The following ADAM11 variants were observed in gnomAD, a reference collection of about 807,000 sequenced individuals.
ADAM11 encodes the protein disintegrin and metalloproteinase domain-containing protein 11.
ADAM11 carries 49 observed loss-of-function variants against 119.1 expected under a neutral mutation model. The ratio of observed to expected loss-of-function variants is 0.41; its 90% CI spans 0.33 to 0.52. The LOEUF is 0.52. ADAM11 is among the 20% of genes least tolerant of loss of function. ADAM11 has a pLI of 0.20. For synonymous variants in ADAM11, 364 were observed against 408.0 expected (o/e 0.89, Z 1.30); for missense variants, 777 against 1,047.5 (o/e 0.74, Z 3.56).
intron 1 of ADAM11, 133 bp downstream of exon 1, chr17:44,759,393 A>G: frequency 7.9e-7 from 1 of 1,260,616 alleles, no homozygotes; most frequent in Non-Finnish European, 1.0e-6. Context: ...AGGGTAGGGG[A>G]GCGGGAGAGG....
intron 2 of ADAM11, 143 bp downstream of exon 2, chr17:44,760,040 T>C: frequency 1.2e-6 from 1 of 838,250 alleles, no homozygotes; most frequent in Non-Finnish European, 1.6e-6. Flanking sequence ...CGGTGGGTGC[T>C]GGAGCCCACT....
At position 44,779,231 on chromosome 17, in the gene ADAM11, C is replaced by CCGAGGAAGGTACGA; in HGVS notation, c.2288_2294+7dup. ...CATCCTCCCCCTGCAGAAACATTCG[C>CCGAGGAAGGTACGA]CGAGGAAGGTACGACCCGACCCAGC... On this transcript the variant is annotated frameshift_variant, in exon 26 of 27. Coordinates refer to ENST00000200557, the MANE Select transcript of ADAM11 (RefSeq NM_002390.6). LOFTEE classifies it high-confidence loss of function. The CCGAGGAAGGTACGA allele has an allele frequency of 6.3e-7, 1 of 1,584,704 alleles. No homozygotes were observed. Among genetic ancestry groups the CCGAGGAAGGTACGA allele is most frequent in the Middle Eastern group, 1.7e-4 (1 of 5,982 alleles).
rs753344529 is a variant in ADAM11 at position 44,777,178 on chromosome 17, G to A, written c.1694G>A (p.Arg565His). Residue 565 changes from arginine to histidine, a missense_variant, in exon 21 of 27, where the codon CGC (arginine) becomes CAC (histidine). Transcript: ENST00000200557. The surrounding 1 kb of genome is among the most constrained non-coding windows in gnomAD (Gnocchi z 5.1). ...CCTCTCCCCACAGCGGCTGCTGATC[G>A]CTTCTGCTACGAGAAGCTGAATGTG... The part of the protein sequence containing the change: ...QVLWGHAAAD[R>H]FCYEKLNVEG... The A allele has an allele frequency of 4.4e-6, 7 of 1,603,968 alleles. No individual in the cohort carries two copies. The highest frequency in any genetic ancestry group is 3.4e-5 in the Admixed American group (2 of 59,190).
In ADAM11 at chr17:44,776,296, T is replaced by G. The variant is rs2049600906; in HGVS notation, c.1566+89T>G. 6 of 1,377,020 alleles carry G rather than the reference T, an allele frequency of 4.4e-6. No homozygotes were observed. Among genetic ancestry groups the G allele is most frequent in the East Asian group, 2.3e-5 (1 of 43,360 alleles). The allele number at this position is 1,377,020 out of a possible 1,614,324, so 85.3% of individuals were successfully genotyped here. ...GTTTTCCCGGACGAGTGCTCAGCAC[T>G]CCCCTCCTCTCCACAGCTGGCATCG... is the stretch of plus-strand genomic sequence containing the variant. On this transcript the variant is annotated intron_variant, in intron 18 of 26. Transcript: ENST00000200557. This position sits in a 1 kb window ranked among gnomAD's most constrained non-coding sequence, Gnocchi z 5.2.
In ADAM11 at chr17:44,772,317, C is replaced by G. The variant is rs368905137; in HGVS notation, c.594C>G (p.Leu198=). 2 of 1,311,432 alleles carry G rather than the reference C, an allele frequency of 1.5e-6. No individual in the cohort carries two copies. Among genetic ancestry groups the G allele is most frequent in the Admixed American group, 1.9e-5 (1 of 51,822 alleles). 81.2% of individuals were successfully genotyped at this position (1,311,432 alleles called of 1,614,324 possible). Residue 198 remains leucine, a synonymous_variant, in exon 7 of 27, where the codon CTC becomes CTG. Coordinates refer to ENST00000200557, the MANE Select transcript of ADAM11 (RefSeq NM_002390.6). This position sits in a 1 kb window ranked among gnomAD's most constrained non-coding sequence, Gnocchi z 4.5. ...IYRTPLLPDP[L]GCREPGCLFA... ...GGACCCCTCTCCTCCCAGATCCCCTCGGATGCAGGGAACCAGGTAAGGGAG... is the reference window on the plus strand; with the variant it reads ...GGACCCCTCTCCTCCCAGATCCCCTGGGATGCAGGGAACCAGGTAAGGGAG...
rs149116155 is a variant in ADAM11 at position 44,778,043 on chromosome 17, C to T, written c.2162C>T (p.Thr721Met). Residue 721 changes from threonine (T) to methionine (M), a missense_variant, in exon 24 of 27, where the codon ACG becomes ATG. Coordinates refer to ENST00000200557, the MANE Select transcript of ADAM11 (RefSeq NM_002390.6). ...AACCCCCTGCCCACGTCCCCACCCA[C>T]GGGGGAGACGGAGAGATATAAAGGT... ...IHNPLPTSPP[T>M]GETERYKGPS... 3.2e-5 allele frequency: 51 copies of T among 1,613,274 alleles called. No homozygotes were observed. Among genetic ancestry groups the T allele is most frequent in the South Asian group, 7.7e-5 (7 of 90,926 alleles).
At position 44,777,554 on chromosome 17, in the gene ADAM11, C is replaced by A; in HGVS notation, c.1854C>A (p.Asp618Glu). 1 of 1,614,166 alleles carries A rather than the reference C, an allele frequency of 6.2e-7. No individual in the cohort carries two copies. The highest frequency in any genetic ancestry group is 8.5e-7 in the Non-Finnish European group (1 of 1,180,034). The change falls in exon 22 of 27, where the codon GAC (aspartate) becomes GAA (glutamate). Residue 618 changes from aspartate to glutamate, a missense_variant. By Grantham distance (45) the Asp-to-Glu change is conservative (BLOSUM62 2). Coordinates refer to ENST00000200557, the MANE Select transcript of ADAM11 (RefSeq NM_002390.6). The surrounding 1 kb of genome is among the most constrained non-coding windows in gnomAD (Gnocchi z 5.1). ...GAPRLGDLVG[D>E]ISSVTFYHQG... ...CTCGGCTAGGGGACCTGGTGGGAGACATCAGTAGTGTCACCTTCTACCACC... is the reference window on the plus strand; with the variant it reads ...CTCGGCTAGGGGACCTGGTGGGAGAAATCAGTAGTGTCACCTTCTACCACC...
chr17:44,763,065 G>A (rs1193286703), intron 2 of ADAM11, among the ~76,000 whole-genome samples: 1 of 152,150 alleles, frequency 6.6e-6, no homozygotes, highest in African/African-American at 2.4e-5. Flanking sequence ...GAGTCCAAGA[G>A]TTCAAGGCTG....
At chr17:44,779,267 G>A (rs753503867) in intron 26 of ADAM11, 28 bp downstream of exon 26, 2 of 1,561,456 alleles carry the variant, frequency 1.3e-6, no homozygotes, top group South Asian at 1.2e-5. Context: ...AGGGGGCAGT[G>A]TGATGCCGGC....
chr17:44,779,719 A>C lies in ADAM11; in HGVS notation c.2295-20A>C, dbSNP rs1485668627. The C allele has an allele frequency of 6.3e-7, 1 of 1,591,350 alleles. No homozygotes were observed. The highest frequency in any genetic ancestry group is 1.4e-5 in the African/African-American group (1 of 73,394). ...TGGCCCCTGCTCACGTCCTCCCCTG[A>C]TGCCCCCTCTCCGTTCCAGGTCCGG... On this transcript the variant is annotated intron_variant, in intron 26 of 26. Coordinates refer to ENST00000200557, the MANE Select transcript of ADAM11 (RefSeq NM_002390.6).
At position 44,776,037 on chromosome 17, in the gene ADAM11, G is replaced by A. The variant is rs1439978081; in HGVS notation, c.1486-90G>A. ...GGCCCTGGGGAGCTGGAGGGCCCGGGGATGTGGGGGTCCAGAGAGCGAGGG... is the reference window on the plus strand; with the variant it reads ...GGCCCTGGGGAGCTGGAGGGCCCGGAGATGTGGGGGTCCAGAGAGCGAGGG... On this transcript the variant is annotated intron_variant, in intron 17 of 26. Coordinates refer to ENST00000200557, the MANE Select transcript of ADAM11 (RefSeq NM_002390.6). This position sits in a 1 kb window ranked among gnomAD's most constrained non-coding sequence, Gnocchi z 5.2. 2.5e-5 allele frequency: 37 copies of A among 1,466,362 alleles called. No homozygotes were observed. Among genetic ancestry groups the A allele is most frequent in the Non-Finnish European group, 3.0e-5 (32 of 1,056,184 alleles). The allele number at this position is 1,466,362 out of a possible 1,614,324, so 90.8% of individuals were successfully genotyped here.
rs534893061 is a variant in ADAM11, at chr17:44,768,920, G to A, written c.238-798G>A. Among the ~76,000 whole-genome samples, 5 of 152,302 alleles carry A rather than the reference G, an allele frequency of 3.3e-5. No individual in the cohort carries two copies. The East Asian group carries it at 9.6e-4, about 29-fold the overall frequency. On this transcript the variant is annotated intron_variant, in intron 2 of 26. Transcript: ENST00000200557. ...CCTCTCAGCCCTTCCTGGGCCCTGC[G>A]GTTGCTGTGATCCAGGCGTCCTCAA...
chr17:44,780,479 C>T lies in ADAM11; in HGVS notation c.*725C>T, dbSNP rs1173333092. On this transcript the variant is annotated 3_prime_UTR_variant, in exon 27 of 27. Transcript: ENST00000200557. ...AAGGCCTAGGTTATGGGTACGGCAA[C>T]CACATGTCCCAGATCGTCTCCAATT... is the stretch of plus-strand genomic sequence containing the variant. 3.6e-6 allele frequency: 1 copy of T among 275,800 alleles called. No individual in the cohort carries two copies. The highest frequency in any genetic ancestry group is 1.5e-4 in the East Asian group (1 of 6,780). The allele number at this position is 275,800 out of a possible 1,614,324, so 17.1% of individuals were successfully genotyped here. A position where few individuals can be genotyped will look rare whatever the true frequency, so the allele number is the denominator to read the frequency against.
intron 25 of ADAM11, among the ~76,000 whole-genome samples, chr17:44,778,705 A>G (rs1295341215): frequency 3.4e-5 from 5 of 147,120 alleles, no homozygotes; most frequent in Non-Finnish European, 7.5e-5. Flanking sequence ...AAAAAAAAAA[A>G]AAAAAAAAGA....
In ADAM11 at chr17:44,775,235, C is replaced by G; in HGVS notation, c.1244C>G (p.Ser415Trp). 1 of 1,613,848 alleles carries G rather than the reference C, an allele frequency of 6.2e-7. No individual in the cohort carries two copies. The highest frequency in any genetic ancestry group is 8.5e-7 in the Non-Finnish European group (1 of 1,179,972). ...AGGTTCTACCTGCCCCGCAAGTTCT[C>G]GCGCTGTAGCATCGACGAGTACAAC... Reference protein sequence around the residue: ...DTGFYLPRKFSRCSIDEYNQF... With the variant: ...DTGFYLPRKFWRCSIDEYNQF... Residue 415 changes from serine (S) to tryptophan (W), a missense_variant, in exon 15 of 27, where the codon TCG (serine) becomes TGG (tryptophan). Transcript: ENST00000200557. This position sits in a 1 kb window ranked among gnomAD's most constrained non-coding sequence, Gnocchi z 7.5.
chr17:44,778,713 A>AAAAAAAAAAAAAAAAAAG lies in ADAM11; in HGVS notation c.2276+471_2276+472insAAAAAAAAAAAAAAAAAG, dbSNP rs71136047. ...CAAAAAAAAAAAAAAAAAAAAAAAA[A>AAAAAAAAAAAAAAAAAAG]GAAAGAAAGAGAGAAAGAAAAGAAA... On this transcript the variant is annotated intron_variant, in intron 25 of 26. Transcript: ENST00000200557. Among the ~76,000 whole-genome samples, 267 of 80,366 alleles carry AAAAAAAAAAAAAAAAAAG rather than the reference A, an allele frequency of 3.3e-3. 35 individuals carry two copies. The highest frequency in any genetic ancestry group is 4.3e-3 in the Non-Finnish European group (197 of 45,524). 52.7% of individuals were successfully genotyped at this position (80,366 alleles called of 152,430 possible). A position where few individuals can be genotyped will look rare whatever the true frequency, so the allele number is the denominator to read the frequency against.
chr17:44,776,320 C>G lies in ADAM11; in HGVS notation c.1566+113C>G. 1 of 1,142,600 alleles carries G rather than the reference C, an allele frequency of 8.8e-7. No homozygotes were observed. The highest frequency in any genetic ancestry group is 1.9e-5 in the Admixed American group (1 of 52,220). 70.8% of individuals were successfully genotyped at this position (1,142,600 alleles called of 1,614,324 possible). On this transcript the variant is annotated intron_variant, in intron 18 of 26. Transcript: ENST00000200557. This position sits in a 1 kb window ranked among gnomAD's most constrained non-coding sequence, Gnocchi z 5.2. ...CTCCCCTCCTCTCCACAGCTGGCAT[C>G]GACCTCCACTGATCAGACTGTTTTC... is the stretch of plus-strand genomic sequence containing the variant.
intron 26 of ADAM11, 81 bp downstream of exon 26, chr17:44,779,320 G>A (rs1466151335): frequency 2.0e-6 from 3 of 1,502,988 alleles, no homozygotes; most frequent in East Asian, 5.3e-5. Context: ...CATCTCATTC[G>A]TCACCCCGCG....
At chr17:44,761,413 C>T in intron 2 of ADAM11, among the ~76,000 whole-genome samples, 1 of 152,040 alleles carries the variant, frequency 6.6e-6, no homozygotes, top group Non-Finnish European at 1.5e-5. Flanking sequence ...AGGTTCTGGG[C>T]TGTGGTGGTG....
Sources: allele counts gnomAD v4.1 joint callset (sites outside exome capture counted in the v4.1 genomes callset), GRCh38; gene constraint gnomAD v4.1.1; non-coding constraint Gnocchi (gnomAD v3.1); transcripts MANE v1.5; gene names NCBI Gene and HGNC (gene_info 2026-07-23, HGNC 2026-07-21).